C4orf50: variants seen among roughly 807,000 people sequenced by gnomAD.
The protein encoded by C4orf50 is chromosome 4 open reading frame 50.
Under a neutral mutation model 77.2 loss-of-function variants are expected in C4orf50, and 80 were observed. That is an observed-to-expected ratio of 1.04 (90% CI 0.87 to 1.25). The LOEUF (loss-of-function observed/expected upper bound fraction) is 1.25, where lower values mean the gene tolerates loss of function less well. C4orf50 is among the 50% of genes most tolerant of loss of function. The probability of loss-of-function intolerance (pLI) is 0.00; values close to 1 mark genes in which losing one functional copy is unlikely to be tolerated. For missense variants in C4orf50, 1,257 were observed against 1,152.9 expected, an observed-to-expected ratio of 1.09 and a Z score of -1.31; for synonymous variants, 532 against 465.3, an observed-to-expected ratio of 1.14 and a Z score of -1.84.
chr4:5,944,626 C>T (rs905443148), intron 7 of C4orf50, among the ~76,000 whole-genome samples: 11 of 152,150 alleles, frequency 7.2e-5, no homozygotes, highest in South Asian at 2.1e-4. Context: ...GCACCCCCCA[C>T]GCCTGGCCTG....
intron 24 of C4orf50, among the ~76,000 whole-genome samples, chr4:6,010,511 A>C (rs763429906): frequency 5.9e-5 from 9 of 152,232 alleles, no homozygotes; most frequent in Non-Finnish European, 1.3e-4. Flanking sequence ...ACCTGTGTAC[A>C]GCTGAAACAA....
intron 7 of C4orf50, among the ~76,000 whole-genome samples, chr4:5,930,952 G>T (rs1321526315): frequency 6.6e-6 from 1 of 152,182 alleles, no homozygotes; most frequent in African/African-American, 2.4e-5. Flanking sequence ...AGAAGGGAGG[G>T]ACAGTCCCGG....
chr4:5,980,399 C>T lies in C4orf50; in HGVS notation c.3700-61G>A, dbSNP rs912678653. The T allele has an allele frequency of 1.3e-5, 19 of 1,501,720 alleles. 1 individual carries two copies. The African/African-American group carries it at 1.6e-4, about 12-fold the overall frequency. The allele number at this position is 1,501,720 out of a possible 1,614,324, so 93.0% of individuals were successfully genotyped here. ...TTATCCTTCAAGCAATTTGCCTTAG[C>T]CAACAAACGGTACCCGTTTCCCCAC... is the stretch of plus-strand genomic sequence containing the variant. On this transcript the variant is annotated intron_variant, in intron 28 of 33. Transcript: ENST00000531445.
chr4:5,957,354 G>T (rs983265233), exon 34 of C4orf50: 1 of 152,264 alleles, frequency 6.6e-6, no homozygotes, highest in African/African-American at 2.4e-5. Flanking sequence ...GTCCTCGGCT[G>T]CACCGGGTTT....
rs185327764 is a variant in C4orf50 at position 6,009,011 on chromosome 4, G to T, written c.427-479C>A. 6.6e-6 allele frequency among the ~76,000 whole-genome samples: 1 copy of T among 152,320 alleles called. No individual in the cohort carries two copies. Among genetic ancestry groups the T allele is most frequent in the East Asian group, 1.9e-4 (1 of 5,180 alleles). Reference sequence around the variant, plus strand: ...AGGGTCAGCTGGCCCCAGCAGGTGAGTCGCAATACCAGTGCCACAGCAGCT... The same window carrying T: ...AGGGTCAGCTGGCCCCAGCAGGTGATTCGCAATACCAGTGCCACAGCAGCT... On this transcript the variant is annotated intron_variant, in intron 24 of 33. Coordinates refer to ENST00000531445, the Ensembl canonical transcript of C4orf50. The surrounding 1 kb of genome is among the most constrained non-coding windows in gnomAD (Gnocchi z 5.6).
At chr4:5,955,142 T>C (rs1157742190), downstream of C4orf50, among the ~76,000 whole-genome samples, 1 of 152,150 alleles carries the variant, frequency 6.6e-6, no homozygotes, top group Admixed American at 6.5e-5. This position sits in a 1 kb window ranked among gnomAD's most constrained non-coding sequence, Gnocchi z 5.1. Context: ...TTCTGTTTTT[T>C]AAAAATGACA....
At chr4:5,912,976 G>A (rs909187412) in intron 7 of C4orf50, among the ~76,000 whole-genome samples, 37 of 152,362 alleles carry the variant, frequency 2.4e-4, no homozygotes, top group African/African-American at 8.9e-4. Flanking sequence ...GCATATGAAA[G>A]GCGTGCTCAC....
At position 5,980,342 on chromosome 4, in the gene C4orf50, C is replaced by T. The variant is rs192294710; in HGVS notation, c.3700-4G>A. On this transcript the variant is annotated splice_region_variant and splice_polypyrimidine_tract_variant and intron_variant, in intron 28 of 33. Coordinates refer to ENST00000531445, the Ensembl canonical transcript of C4orf50. ...CCTCGGCCTCTGAGTCCCGGAGCTG[C>T]GGAAATCACAGATTTGAATGAAATG... 553 of 1,608,090 alleles carry T rather than the reference C, an allele frequency of 3.4e-4. No individual in the cohort carries two copies. Among genetic ancestry groups the T allele is most frequent in the Non-Finnish European group, 4.0e-4 (466 of 1,177,642 alleles).
chr4:6,002,706 G>A (rs4446257), intron 25 of C4orf50, among the ~76,000 whole-genome samples: 34,733 of 152,158 alleles, frequency 0.23, 4,796 homozygotes, highest in East Asian at 0.62. Flanking sequence ...CGCTGCTGGT[G>A]CCATCCTCAT....
rs1229994110 is a variant in C4orf50 at position 5,919,073 on chromosome 4, G to C, written c.*2475-20885C>G. Among the ~76,000 whole-genome samples the C allele has an allele frequency of 6.6e-6, 1 of 152,204 alleles. No homozygotes were observed. Among genetic ancestry groups the C allele is most frequent in the Non-Finnish European group, 1.5e-5 (1 of 68,032 alleles). ...AAGAGAACTTGCTGCTATGGCTCCT[G>C]GTTGGGACAGACGTGGCTCCCTCTT... On this transcript the variant is annotated intron_variant, in intron 7 of 7. Coordinates refer to the C4orf50 transcript ENST00000324058. This position sits in a 1 kb window ranked among gnomAD's most constrained non-coding sequence, Gnocchi z 6.5.
chr4:5,961,778 G>C (rs1279606533), intron 33 of C4orf50, among the ~76,000 whole-genome samples: 1 of 152,156 alleles, frequency 6.6e-6, no homozygotes, highest in African/African-American at 2.4e-5. Flanking sequence ...AGATTTGTCA[G>C]CCTTTTCAGG....
At chr4:5,914,305 T>C (rs4688952) in intron 7 of C4orf50, among the ~76,000 whole-genome samples, 143,526 of 150,158 alleles carry the variant, frequency 0.96, 68,764 homozygotes, top group East Asian at 1. Context: ...CCCGGGTTCA[T>C]GCCATTCTCC....
At chr4:5,991,474 C>T (rs977116090) in intron 27 of C4orf50, among the ~76,000 whole-genome samples, 1 of 152,228 alleles carries the variant, frequency 6.6e-6, no homozygotes, top group African/African-American at 2.4e-5. Context: ...GCTGGGCACA[C>T]AGGAGGTGTT....
intron 31 of C4orf50, among the ~76,000 whole-genome samples, chr4:5,971,783 T>C (rs905570607): frequency 1.3e-5 from 2 of 152,154 alleles, no homozygotes; most frequent in African/African-American, 4.8e-5. Context: ...AAATTAATAG[T>C]CCAGTGTATA....
intron 7 of C4orf50, among the ~76,000 whole-genome samples, chr4:5,934,616 C>T (rs1717927033): frequency 6.6e-6 from 1 of 152,204 alleles, no homozygotes; most frequent in Non-Finnish European, 1.5e-5. Context: ...AACCACCTGC[C>T]CCAGGCCAGC....
chr4:5,988,434 T>C (rs745651294), exon 28 of C4orf50: 1 of 1,603,876 alleles, frequency 6.2e-7, no homozygotes, highest in South Asian at 1.1e-5. Flanking sequence ...AATGTGCTTC[T>C]TTCACTTCTG....
At position 6,010,459 on chromosome 4, in the gene C4orf50, A is replaced by G. The variant is rs557919942; in HGVS notation, c.426+1371T>C. Reference sequence around the variant, plus strand: ...CTTTTCCAGCTTTTCTGAGTTTCCCACTATAAGAAACACCTGTGAACATCA... The same window carrying G: ...CTTTTCCAGCTTTTCTGAGTTTCCCGCTATAAGAAACACCTGTGAACATCA... On this transcript the variant is annotated intron_variant, in intron 24 of 33. Coordinates refer to ENST00000531445, the Ensembl canonical transcript of C4orf50. Among the ~76,000 whole-genome samples the G allele has an allele frequency of 2.0e-5, 3 of 152,298 alleles. No individual in the cohort carries two copies. The South Asian group carries it at 6.2e-4, about 32-fold the overall frequency.
chr4:5,910,890 G>GGA (rs1716773509), intron 7 of C4orf50, among the ~76,000 whole-genome samples: 1 of 147,258 alleles, frequency 6.8e-6, no homozygotes, highest in African/African-American at 2.5e-5. Context: ...GAGCCAATGG[G>GGA]TTTCTTCCCT....
Position 6,011,846 on chromosome 4 carries a change from C to T in C4orf50, c.410G>A (p.Gly137Glu), listed in dbSNP as rs1009119078. 4 of 399,096 alleles carry T rather than the reference C, an allele frequency of 1.0e-5. No individual in the cohort carries two copies. The highest frequency in any genetic ancestry group is 1.3e-4 in the South Asian group (1 of 7,860). The allele number at this position is 399,096 out of a possible 1,614,324, so 24.7% of individuals were successfully genotyped here. Residue 137 changes from glycine to glutamate, a missense_variant, in exon 24 of 34, where the codon GGG (glycine) becomes GAG (glutamate). Physicochemically the swap from Gly to Glu is moderately conservative, Grantham distance 98. Coordinates refer to ENST00000531445, the Ensembl canonical transcript of C4orf50. This position sits in a 1 kb window ranked among gnomAD's most constrained non-coding sequence, Gnocchi z 4.2. ...AAACGGTACCTGGCTGGCCAGCTCCCCCTGCAGCGCCGCCAGCTTCTCCTG... is the reference window on the plus strand; with the variant it reads ...AAACGGTACCTGGCTGGCCAGCTCCTCCTGCAGCGCCGCCAGCTTCTCCTG...
Sources: gnomAD v4.1 joint callset for allele counts (sites outside exome capture counted in the v4.1 genomes callset) on GRCh38, gnomAD v4.1.1 for gene constraint, Gnocchi (gnomAD v3.1) non-coding constraint, MANE v1.5 for transcripts, NCBI Gene and HGNC (gene_info 2026-07-23, HGNC 2026-07-21) for gene names.